The following BDP1 variants were observed in gnomAD, a reference collection of about 807,000 sequenced individuals.
BDP1 encodes BDP1 general transcription factor IIIB subunit, also known as transcription factor TFIIIB component B'' homolog.
In BDP1, 169 loss-of-function variants were observed where a neutral mutation model predicts 266.6. The observed-to-expected ratio is 0.63, with a 90% CI of 0.56 to 0.72. BDP1 has a LOEUF of 0.72. Ranked by LOEUF, BDP1 falls within the 30% of genes least tolerant of loss-of-function variation. BDP1 has a pLI of 0.00. For missense variants in BDP1, 3,015 were observed against 3,053.8 expected (o/e 0.99, Z 0.30); for synonymous variants, 1,090 against 1,022.4 (o/e 1.07, Z -1.26).
chr5:71,544,994 G>T (rs770921435), intron 31 of BDP1, 45 bp from the exon 32 acceptor site: 1 of 1,555,566 alleles, frequency 6.4e-7, no homozygotes, highest in Admixed American at 1.7e-5. Context: ...ATAATTCCAT[G>T]ATTTGCCTGA....
At chr5:71,480,635 C>T (rs1244885806) in intron 7 of BDP1, among the ~76,000 whole-genome samples, 1 of 150,468 alleles carries the variant, frequency 6.6e-6, no homozygotes, top group Non-Finnish European at 1.5e-5. Flanking sequence ...AGCATGATCT[C>T]AGCTCACTGC....
Position 71,544,904 on chromosome 5 carries a change from A to AAAAAAAG in BDP1, c.6564-133_6564-132insAAAAGAA, listed in dbSNP as rs375850328. Reference sequence around the variant, plus strand: ...CAAAAAAAAAAAAAAAAAAAAAAAAAAAGTCCTATTGCATTAAATATGTTT... The same window carrying AAAAAAAG: ...CAAAAAAAAAAAAAAAAAAAAAAAAAAAAAAAGAAGTCCTATTGCATTAAATATGTTT... On this transcript the variant is annotated intron_variant, in intron 31 of 38. Coordinates refer to ENST00000358731, the MANE Select transcript of BDP1 (RefSeq NM_018429.3). 2.2e-3 allele frequency: 959 copies of AAAAAAAG among 442,546 alleles called. 59 individuals are homozygous for AAAAAAAG. Among genetic ancestry groups the AAAAAAAG allele is most frequent in the South Asian group, 5.9e-3 (246 of 41,630 alleles). 27.4% of individuals were successfully genotyped at this position (442,546 alleles called of 1,614,324 possible). A position where few individuals can be genotyped will look rare whatever the true frequency, so the allele number is the denominator to read the frequency against.
rs1211625661 is a variant in BDP1, at chr5:71,553,100, T to C, written c.6996-16T>C. The C allele has an allele frequency of 6.3e-7, 1 of 1,590,586 alleles. No individual in the cohort carries two copies. Among genetic ancestry groups the C allele is most frequent in the South Asian group, 1.1e-5 (1 of 88,506 alleles). On this transcript the variant is annotated splice_polypyrimidine_tract_variant and intron_variant, in intron 34 of 38. Transcript: ENST00000358731. ...TTCTAATTCAGTAATTTAGTATGTA[T>C]TTCTTTTCTATGCAGTATTTGTTTA...
At chr5:71,532,000 T>C (rs538734144) in intron 25 of BDP1, among the ~76,000 whole-genome samples, 13 of 152,190 alleles carry the variant, frequency 8.5e-5, no homozygotes. Flanking sequence ...ACAGAGAAAT[T>C]AGGGGGAAAG....
Position 71,497,276 on chromosome 5 carries a change from T to C in BDP1, c.1806T>C (p.Ile602=). The C allele has an allele frequency of 1.2e-6, 2 of 1,611,334 alleles. No homozygotes were observed. Among genetic ancestry groups the C allele is most frequent in the Non-Finnish European group, 1.7e-6 (2 of 1,178,594 alleles). The change falls in exon 13 of 39, where the codon ATT becomes ATC. Residue 602 remains isoleucine (I), a synonymous_variant. Coordinates refer to ENST00000358731, the MANE Select transcript of BDP1 (RefSeq NM_018429.3). ...NVDLKNNSLE[I]DQTENVKPML... ...AATAATGTTAATTTTTCAGGGAAATTGATCAAACAGAAAATGTTAAACCAA... is the reference window on the plus strand; with the variant it reads ...AATAATGTTAATTTTTCAGGGAAATCGATCAAACAGAAAATGTTAAACCAA...
rs1742981586 is a variant in BDP1, at chr5:71,553,237, A to G, written c.7117A>G (p.Arg2373Gly). Residue 2373 changes from arginine to glycine, a missense_variant, in exon 35 of 39, where the codon AGG (arginine) becomes GGG (glycine). Physicochemically the swap from Arg to Gly is moderately radical, Grantham distance 125. This residue lies in a region of BDP1 where 629 missense variants were observed against 632.5 expected (regional missense o/e 0.99). Transcript: ENST00000358731. ...DLVSRKRFQC[R>G]LDKNDHIPPA... ...TGTATCTAGGAAGAGATTTCAATGC[A>G]GGCTTGATAAAAATGACCACATTCC... 6.2e-7 allele frequency: 1 copy of G among 1,613,464 alleles called. No homozygotes were observed. The highest frequency in any genetic ancestry group is 8.5e-7 in the Non-Finnish European group (1 of 1,179,960).
chr5:71,523,382 C>T (rs775158059), intron 24 of BDP1, among the ~76,000 whole-genome samples: 10 of 152,114 alleles, frequency 6.6e-5, no homozygotes, highest in Non-Finnish European at 1.0e-4. Flanking sequence ...TTGCGTGACT[C>T]GGCTCACTGC....
At chr5:71,564,196 C>T (rs1021032653) in intron 38 of BDP1, among the ~76,000 whole-genome samples, 17 of 151,978 alleles carry the variant, frequency 1.1e-4, no homozygotes, top group Non-Finnish European at 2.2e-4. Context: ...TCTTCTGTTT[C>T]ATTGATATAT....
In BDP1 at chr5:71,489,382, T is replaced by C. The variant is rs761396276; in HGVS notation, c.1214-22T>C. 3 of 1,554,102 alleles carry C rather than the reference T, an allele frequency of 1.9e-6. No homozygotes were observed. In the South Asian group the frequency reaches 3.7e-5, roughly 19 times the overall value. ...TTTCTTTAGGTTGTTTAAATATTTA[T>C]AGTAATTTCTCTTGTTTTCAGTGAA... On this transcript the variant is annotated intron_variant, in intron 9 of 38. Coordinates refer to ENST00000358731, the MANE Select transcript of BDP1 (RefSeq NM_018429.3).
intron 12 of BDP1, among the ~76,000 whole-genome samples, chr5:71,496,057 A>C (rs1361610275): frequency 6.6e-6 from 1 of 152,018 alleles, no homozygotes; most frequent in African/African-American, 2.4e-5. Flanking sequence ...CCTGGCTAAC[A>C]CAGTGAAACG....
Position 71,455,936 on chromosome 5 carries a change from G to A in BDP1, c.59G>A (p.Arg20Lys), listed in dbSNP as rs781574704. ...AATGTCAGGCCTGGTGTAGGCGCCAGGGGCTCCACAGCTTCCAATCCCCAG... is the reference window on the plus strand; with the variant it reads ...AATGTCAGGCCTGGTGTAGGCGCCAAGGGCTCCACAGCTTCCAATCCCCAG... ...KPNVRPGVGA[R>K]GSTASNPQRG... is the part of the protein sequence containing the mutation. Residue 20 changes from arginine to lysine, a missense_variant, in exon 1 of 39, where the codon AGG (arginine) becomes AAG (lysine). By Grantham distance (26) the Arg-to-Lys change is conservative. Around this residue, in one of 3 missense-constraint regions of BDP1, gnomAD observed 2,383 missense variants for 2,404.9 expected, o/e 0.99. Transcript: ENST00000358731. 1.2e-6 allele frequency: 2 copies of A among 1,611,774 alleles called. No individual in the cohort carries two copies. Among genetic ancestry groups the A allele is most frequent in the Admixed American group, 1.7e-5 (1 of 59,592 alleles).
At chr5:71,515,183 A>C (rs1765156201) in intron 20 of BDP1, 61 bp downstream of exon 20, 1 of 1,265,390 alleles carries the variant, frequency 7.9e-7, no homozygotes, top group Non-Finnish European at 1.1e-6. Flanking sequence ...AAATATTTCT[A>C]ATTTTTATTG....
chr5:71,532,235 C>T, intron 25 of BDP1, 73 bp from the exon 26 acceptor site: 1 of 1,302,108 alleles, frequency 7.7e-7, no homozygotes, highest in South Asian at 1.4e-5. Flanking sequence ...CTTACTTATT[C>T]ATGTTGAAGA....
chr5:71,484,530 A>G (rs932961457), intron 8 of BDP1, among the ~76,000 whole-genome samples: 8 of 152,168 alleles, frequency 5.3e-5, no homozygotes, highest in African/African-American at 1.9e-4. Context: ...CTGAAGAGAT[A>G]CACTAGCATT....
chr5:71,459,434 C>T (rs1408855173), intron 2 of BDP1, among the ~76,000 whole-genome samples: 2 of 152,134 alleles, frequency 1.3e-5, no homozygotes, highest in Non-Finnish European at 2.9e-5. Context: ...ATTGCTTGAA[C>T]CTGGGAGGTG....
chr5:71,465,826 A>G (rs535449803), intron 4 of BDP1, among the ~76,000 whole-genome samples: 2 of 152,306 alleles, frequency 1.3e-5, no homozygotes, highest in South Asian at 4.1e-4. Context: ...GGTTGCAGTA[A>G]GTCGAGATCA....
At chr5:71,501,478 C>T in intron 13 of BDP1, 84 bp from the exon 14 acceptor site, 1 of 914,812 alleles carries the variant, frequency 1.1e-6, no homozygotes, top group South Asian at 1.4e-5. Flanking sequence ...CCGGCCAGTT[C>T]TGTTGTTTTA....
intron 34 of BDP1, 46 bp downstream of exon 34, chr5:71,549,652 A>G: frequency 6.7e-7 from 1 of 1,502,254 alleles, no homozygotes; most frequent in Non-Finnish European, 9.1e-7. Flanking sequence ...AAAGTGATTT[A>G]TGAACTAAGT....
Position 71,544,403 on chromosome 5 carries a change from C to T in BDP1, c.6459C>T (p.Asn2153=). 1.2e-6 allele frequency: 2 copies of T among 1,613,412 alleles called. No homozygotes were observed. Among genetic ancestry groups the T allele is most frequent in the South Asian group, 2.2e-5 (2 of 90,852 alleles). The change falls in exon 31 of 39, where the codon AAC becomes AAT. Residue 2153 remains asparagine, a synonymous_variant. Coordinates refer to ENST00000358731, the MANE Select transcript of BDP1 (RefSeq NM_018429.3). The stretch of plus-strand genomic sequence containing the variant: ...AAGCAACAGAATTGGAAAATAAAAA[C>T]CTCGGACCAGTTACAACAGCAGAGA... ...ASKATELENK[N]LGPVTTAENK...
Sources: allele counts gnomAD v4.1 joint callset (sites outside exome capture counted in the v4.1 genomes callset), GRCh38; gene constraint gnomAD v4.1.1; regional missense constraint gnomAD v4.1.1; transcripts MANE v1.5; gene names NCBI Gene and HGNC (gene_info 2026-07-23, HGNC 2026-07-21).